Variants in SNX13 observed in about 807,000 individuals in gnomAD.
SNX13 encodes the protein sorting nexin 13, also known as sorting nexin-13.
Under a neutral mutation model 133.6 loss-of-function variants are expected in SNX13, and 45 were observed. That is an observed-to-expected ratio of 0.34 (90% CI 0.27 to 0.43). SNX13 has a LOEUF of 0.43. SNX13 is among the 20% of genes least tolerant of loss of function. SNX13 has a pLI of 1.00. For synonymous variants in SNX13, 414 were observed against 373.9 expected, an observed-to-expected ratio of 1.11 and a Z score of -1.24; for missense variants, 1,032 against 1,145.1, an observed-to-expected ratio of 0.90 and a Z score of 1.43.
At chr7:17,894,472 T>C (rs1294140242) in intron 2 of SNX13, among the ~76,000 whole-genome samples, 2 of 151,988 alleles carry the variant, frequency 1.3e-5, no homozygotes, top group East Asian at 1.9e-4. Context: ...ACAGAATACA[T>C]AAAGGCTATT....
intron 1 of SNX13, among the ~76,000 whole-genome samples, chr7:17,918,408 C>T (rs1465801476): frequency 3.3e-5 from 5 of 149,914 alleles, no homozygotes; most frequent in East Asian, 2.0e-4. Flanking sequence ...ATCCAGAATC[C>T]GTAAGAAACT....
chr7:17,819,735 G>C (rs985747079), intron 18 of SNX13, among the ~76,000 whole-genome samples: 1 of 152,000 alleles, frequency 6.6e-6, no homozygotes, highest in Admixed American at 6.6e-5. Flanking sequence ...GAGCTAAAAG[G>C]CAAAGACCCT....
At chr7:17,826,772 G>C (rs980280716) in intron 16 of SNX13, among the ~76,000 whole-genome samples, 1 of 151,954 alleles carries the variant, frequency 6.6e-6, no homozygotes, top group Non-Finnish European at 1.5e-5. Context: ...TACGGCCTTT[G>C]GGTCTAAACT....
chr7:17,893,210 A>G (rs1796824332), intron 3 of SNX13, 122 bp downstream of exon 3: 1 of 586,058 alleles, frequency 1.7e-6, no homozygotes, highest in Non-Finnish European at 3.0e-6. Flanking sequence ...AATCTCACAT[A>G]AATTCCCAGT....
At chr7:17,831,639 T>C (rs1054626498) in intron 15 of SNX13, 3 of 984,126 alleles carry the variant, frequency 3.0e-6, no homozygotes, top group Non-Finnish European at 2.4e-6. Flanking sequence ...AAATGTAGAC[T>C]ACTTTAAAAA....
chr7:17,875,133 A>C (rs1794571434), intron 7 of SNX13, among the ~76,000 whole-genome samples: 2 of 151,990 alleles, frequency 1.3e-5, no homozygotes, highest in African/African-American at 4.8e-5. Context: ...CAGCCAGCTG[A>C]TGTTTCGTAC....
chr7:17,888,004 G>C (rs1462046275), intron 5 of SNX13, among the ~76,000 whole-genome samples: 1 of 152,092 alleles, frequency 6.6e-6, no homozygotes, highest in Non-Finnish European at 1.5e-5. Flanking sequence ...AAGGCTTTCT[G>C]AAGTATATGA....
intron 1 of SNX13, among the ~76,000 whole-genome samples, chr7:17,936,170 C>T (rs750611401): frequency 3.3e-5 from 5 of 152,172 alleles, no homozygotes; most frequent in African/African-American, 9.7e-5. Context: ...AATAAATCAC[C>T]TATCAAAAAC....
chr7:17,840,038 G>T lies in SNX13; in HGVS notation c.1166-38C>A, dbSNP rs1266931368. 1.9e-6 allele frequency: 3 copies of T among 1,552,090 alleles called. No individual in the cohort carries two copies. The African/African-American group carries it at 4.2e-5, about 22-fold the overall frequency. ...AATCCATAATAACATAAATATTAGTGTCACACAATTTGGGGTCCATGTAGT... is the reference window on the plus strand; with the variant it reads ...AATCCATAATAACATAAATATTAGTTTCACACAATTTGGGGTCCATGTAGT... On this transcript the variant is annotated intron_variant, in intron 12 of 25. Transcript: ENST00000428135.
intron 16 of SNX13, among the ~76,000 whole-genome samples, chr7:17,826,620 TAAC>T (rs1246461441): frequency 6.6e-6 from 1 of 152,096 alleles, no homozygotes; most frequent in African/African-American, 2.4e-5. Context: ...CTGCCTAATA[TAAC>T]AACTGTTAGC....
Position 17,885,109 on chromosome 7 carries a change from C to G in SNX13, c.440+5254G>C, listed in dbSNP as rs141664134. ...TAGAAACAACCTAAATGCCCATTTA[C>G]TGATGAAAAACAAATGTGGTATGTG... On this transcript the variant is annotated intron_variant, in intron 5 of 25. Coordinates refer to ENST00000428135, the MANE Select transcript of SNX13 (RefSeq NM_015132.5). Among the ~76,000 whole-genome samples the G allele has an allele frequency of 1.2e-3, 176 of 152,216 alleles. 7 individuals are homozygous for G. The highest frequency in any genetic ancestry group is 8.1e-4 in the Non-Finnish European group (55 of 68,012).
rs111469652 is a variant in SNX13 at position 17,938,401 on chromosome 7, T to C, written c.12+1883A>G. 1.6e-3 allele frequency among the ~76,000 whole-genome samples: 248 copies of C among 152,310 alleles called. 3 individuals carry two copies. Among genetic ancestry groups the C allele is most frequent in the African/African-American group, 5.5e-3 (230 of 41,574 alleles). The stretch of plus-strand genomic sequence containing the variant: ...ATAATTGACCTTGGACAAGAGTCTC[T>C]GGCTTCAGTTTCCTAATCTATAAAC... On this transcript the variant is annotated intron_variant, in intron 1 of 25. Coordinates refer to ENST00000428135, the MANE Select transcript of SNX13 (RefSeq NM_015132.5).
At chr7:17,911,830 A>AT (rs552047490) in intron 1 of SNX13, among the ~76,000 whole-genome samples, 104 of 151,396 alleles carry the variant, frequency 6.9e-4, no homozygotes, top group African/African-American at 2.4e-3. Context: ...AAATAAGTAG[A>AT]TTTTTTTAAA....
chr7:17,802,689 G>A (rs1193816927), intron 21 of SNX13, among the ~76,000 whole-genome samples: 1 of 152,046 alleles, frequency 6.6e-6, no homozygotes, highest in Non-Finnish European at 1.5e-5. Context: ...TTTAGGAGTG[G>A]CCCTTACATT....
intron 7 of SNX13, among the ~76,000 whole-genome samples, chr7:17,874,458 A>T (rs981311091): frequency 6.6e-6 from 1 of 152,148 alleles, no homozygotes; most frequent in Non-Finnish European, 1.5e-5. Flanking sequence ...CTGCACAGGG[A>T]GTCAGTACCC....
At chr7:17,927,934 T>C (rs1442508443) in intron 1 of SNX13, among the ~76,000 whole-genome samples, 1 of 152,210 alleles carries the variant, frequency 6.6e-6, no homozygotes, top group Non-Finnish European at 1.5e-5. Flanking sequence ...AGCAGTTCCC[T>C]GGTACAAAAG....
At chr7:17,870,077 G>A (rs982693440) in intron 8 of SNX13, among the ~76,000 whole-genome samples, 5 of 152,150 alleles carry the variant, frequency 3.3e-5, no homozygotes, top group Admixed American at 6.5e-5. Context: ...CAAGGTCCTA[G>A]TGAGAGCTCT....
At chr7:17,884,747 T>A (rs1243346470) in intron 5 of SNX13, among the ~76,000 whole-genome samples, 1 of 152,110 alleles carries the variant, frequency 6.6e-6, no homozygotes, top group Non-Finnish European at 1.5e-5. Flanking sequence ...AATATACAAA[T>A]GACCAATAAG....
intron 20 of SNX13, among the ~76,000 whole-genome samples, chr7:17,809,282 C>CAAAAAAAA (rs535077123): frequency 1.6e-4 from 8 of 49,276 alleles, no homozygotes; most frequent in East Asian, 7.4e-4. Flanking sequence ...AGATGGAAAG[C>CAAAAAAAA]AAAAAAAAAA....
Sources: gnomAD v4.1 joint callset for allele counts (sites outside exome capture counted in the v4.1 genomes callset) on GRCh38, gnomAD v4.1.1 for gene constraint, MANE v1.5 for transcripts, NCBI Gene and HGNC (gene_info 2026-07-23, HGNC 2026-07-21) for gene names.